Variants in MIS18A observed in about 807,000 individuals in gnomAD.
MIS18A encodes protein Mis18-alpha.
A neutral mutation model predicts 25.0 loss-of-function variants in MIS18A; 14 were observed. That is an observed-to-expected ratio of 0.56 (90% CI 0.37 to 0.88). MIS18A has a LOEUF of 0.88. Among genes scored for constraint, MIS18A ranks in the 40% least tolerant of loss-of-function variants. MIS18A has a pLI of 0.00. For synonymous variants in MIS18A, 134 were observed against 118.6 expected, an observed-to-expected ratio of 1.13 and a Z score of -0.84; for missense variants, 292 against 290.8, an observed-to-expected ratio of 1.00 and a Z score of -0.03.
the MIS18A span, among the ~76,000 whole-genome samples, chr21:32,242,004 G>A: frequency 6.6e-6 from 1 of 152,082 alleles, no homozygotes; most frequent in African/African-American, 2.4e-5. Flanking sequence ...TCAGCCTCCC[G>A]AGTAGCTGGG....
the MIS18A span, among the ~76,000 whole-genome samples, chr21:32,248,049 T>C: frequency 2.6e-5 from 4 of 152,198 alleles, no homozygotes; most frequent in African/African-American, 2.4e-5. Flanking sequence ...GGGGTGAAGA[T>C]ACCCCCTCCT....
chr21:32,161,599 C>T, the MIS18A span, among the ~76,000 whole-genome samples: 1 of 151,514 alleles, frequency 6.6e-6, no homozygotes, highest in Non-Finnish European at 1.5e-5. Flanking sequence ...TCAAGAGATT[C>T]TCCTGCCTCA....
chr21:32,236,244 G>A, the MIS18A span, among the ~76,000 whole-genome samples: 6 of 151,726 alleles, frequency 4.0e-5, no homozygotes, highest in East Asian at 1.9e-4. Context: ...TTAGCCAGGC[G>A]TGGTGGCGAG....
At chr21:32,251,363 C>T in the MIS18A span, among the ~76,000 whole-genome samples, 4 of 152,114 alleles carry the variant, frequency 2.6e-5, no homozygotes, top group Non-Finnish European at 5.9e-5. Flanking sequence ...CCTTTTCTCT[C>T]TCTCCTTCCC....
chr21:32,218,310 G>C, the MIS18A span, among the ~76,000 whole-genome samples: 1 of 151,378 alleles, frequency 6.6e-6, no homozygotes, highest in South Asian at 2.1e-4. Flanking sequence ...ACACAAAATA[G>C]TAACTCATGA....
the MIS18A span, among the ~76,000 whole-genome samples, chr21:32,183,438 C>T: frequency 6.6e-6 from 1 of 152,194 alleles, no homozygotes; most frequent in African/African-American, 2.4e-5. Flanking sequence ...TTGCACCTGT[C>T]TTTTCTCATA....
chr21:32,265,398 G>A (rs2031574885), downstream of MIS18A, among the ~76,000 whole-genome samples: 1 of 152,194 alleles, frequency 6.6e-6, no homozygotes, highest in Non-Finnish European at 1.5e-5. Context: ...CCGGGTGGGC[G>A]TGGGCTTAGT....
the MIS18A span, among the ~76,000 whole-genome samples, chr21:32,157,949 A>G: frequency 1.3e-5 from 2 of 152,192 alleles, no homozygotes; most frequent in African/African-American, 4.8e-5. Flanking sequence ...GAGAGTTTTG[A>G]GATTAAATTT....
the MIS18A span, among the ~76,000 whole-genome samples, chr21:32,221,277 A>C: frequency 3.3e-5 from 5 of 152,338 alleles, 1 homozygote; most frequent in South Asian, 8.3e-4. Context: ...CCAACAGGAG[A>C]TCTCTCTAAA....
At chr21:32,221,714 C>G in the MIS18A span, among the ~76,000 whole-genome samples, 1 of 126,586 alleles carries the variant, frequency 7.9e-6, no homozygotes, top group African/African-American at 3.1e-5. Flanking sequence ...CCTATCTCTA[C>G]GAATAATACA....
At chr21:32,255,621 G>T in the MIS18A span, among the ~76,000 whole-genome samples, 2 of 148,316 alleles carry the variant, frequency 1.3e-5, no homozygotes, top group Non-Finnish European at 3.0e-5. Flanking sequence ...CAGGCGCGGT[G>T]GCTCACGCCT....
chr21:32,164,445 A>C, the MIS18A span, among the ~76,000 whole-genome samples: 1 of 152,144 alleles, frequency 6.6e-6, no homozygotes, highest in Non-Finnish European at 1.5e-5. Context: ...TCTGTAACCA[A>C]ACTCATGTAG....
At chr21:32,189,145 C>T in the MIS18A span, among the ~76,000 whole-genome samples, 682 of 152,272 alleles carry the variant, frequency 4.5e-3, 6 homozygotes, top group African/African-American at 0.016. Flanking sequence ...ACCGCCATGA[C>T]TCCATGTGCA....
At chr21:32,231,869 C>T in the MIS18A span, among the ~76,000 whole-genome samples, 54 of 152,192 alleles carry the variant, frequency 3.5e-4, 1 homozygote, top group African/African-American at 1.2e-3. Context: ...GCCAAGATTG[C>T]GCCACTGCAC....
chr21:32,266,229 C>T (rs1480874736), downstream of MIS18A, among the ~76,000 whole-genome samples: 4 of 152,168 alleles, frequency 2.6e-5, no homozygotes, highest in Admixed American at 2.6e-4. Context: ...TGTGTGGAAA[C>T]TCTGTATCTA....
the MIS18A span, among the ~76,000 whole-genome samples, chr21:32,176,195 A>G: frequency 1.3e-5 from 2 of 152,242 alleles, no homozygotes; most frequent in African/African-American, 4.8e-5. Flanking sequence ...TACATAAACT[A>G]ATAACATAGT....
chr21:32,261,486 AGAATCAATAGAGT>A, the MIS18A span: 1 of 152,240 alleles, frequency 6.6e-6, no homozygotes, highest in African/African-American at 2.4e-5. Context: ...GTCAAGATAA[AGAATCAATAGAGT>A]GGTTAGAGAA....
intron 2 of MIS18A, among the ~76,000 whole-genome samples, chr21:32,274,351 C>T (rs1029971394): frequency 2.0e-5 from 3 of 151,576 alleles, no homozygotes; most frequent in Non-Finnish European, 2.9e-5. Flanking sequence ...ATTACAGGCC[C>T]GCACCACCAT....
At chr21:32,234,893 G>A in the MIS18A span, among the ~76,000 whole-genome samples, 3 of 152,104 alleles carry the variant, frequency 2.0e-5, no homozygotes, top group South Asian at 2.1e-4. Flanking sequence ...ACACAAGAAC[G>A]GACTAACAGT....
Sources: allele counts gnomAD v4.1 joint callset (sites outside exome capture counted in the v4.1 genomes callset), GRCh38; gene constraint gnomAD v4.1.1; transcripts MANE v1.5; gene names NCBI Gene and HGNC (gene_info 2026-07-23, HGNC 2026-07-21).